Variants in TTC39C observed in about 807,000 individuals in gnomAD.
The protein encoded by TTC39C is tetratricopeptide repeat protein 39C.
TTC39C carries 33 observed loss-of-function variants against 76.3 expected under a neutral mutation model. The ratio of observed to expected loss-of-function variants is 0.43; its 90% confidence interval spans 0.33 to 0.58. The LOEUF is 0.58. Among genes scored for constraint, TTC39C ranks in the 20% least tolerant of loss-of-function variants. The probability of loss-of-function intolerance (pLI) is 0.04; values close to 1 mark genes in which losing one functional copy is unlikely to be tolerated. For synonymous variants in TTC39C, 254 were observed against 260.6 expected, an observed-to-expected ratio of 0.97 and a Z score of 0.24; for missense variants, 595 against 701.4, an observed-to-expected ratio of 0.85 and a Z score of 1.71.
intron 9 of TTC39C, chr18:24,124,425 G>C (rs1663347): frequency 2.6e-5 from 4 of 152,422 alleles, no homozygotes; most frequent in African/African-American, 9.6e-5. Flanking sequence ...GAGAAATGCA[G>C]GCTGTCTGGG....
At chr18:24,003,807 A>T (rs1346000451) in intron 1 of TTC39C, among the ~76,000 whole-genome samples, 1 of 152,346 alleles carries the variant, frequency 6.6e-6, no homozygotes, top group Non-Finnish European at 1.5e-5. Context: ...GAGTACAGTG[A>T]TACAATCATA....
At chr18:24,068,894 GC>G (rs2084203043) in intron 3 of TTC39C, among the ~76,000 whole-genome samples, 1 of 152,092 alleles carries the variant, frequency 6.6e-6, no homozygotes, top group Non-Finnish European at 1.5e-5. Flanking sequence ...GTTTTTTGTT[GC>G]TTTTCGTATT....
intron 6 of TTC39C, among the ~76,000 whole-genome samples, chr18:24,090,510 G>A (rs1400599031): frequency 1.3e-5 from 2 of 152,176 alleles, no homozygotes; most frequent in South Asian, 2.1e-4. Flanking sequence ...TTGTTAAGAT[G>A]GCAGTACTTT....
intron 5 of TTC39C, among the ~76,000 whole-genome samples, chr18:24,081,522 G>A (rs539444885): frequency 1.3e-5 from 2 of 152,246 alleles, no homozygotes; most frequent in South Asian, 2.1e-4. Flanking sequence ...TAAAAGTGAT[G>A]TGTTTTTTGT....
At chr18:24,106,555 C>T (rs1054618987) in intron 6 of TTC39C, among the ~76,000 whole-genome samples, 1 of 152,000 alleles carries the variant, frequency 6.6e-6, no homozygotes, top group Non-Finnish European at 1.5e-5. Context: ...GGAGGACTGG[C>T]GTTGTGTTGG....
intron 1 of TTC39C, among the ~76,000 whole-genome samples, chr18:24,005,800 G>A (rs1456081996): frequency 6.6e-6 from 1 of 150,582 alleles, no homozygotes; most frequent in East Asian, 2.0e-4. Context: ...AGCTATGATT[G>A]CACCACTGTA....
At chr18:24,035,919 G>T (rs1198515968) in intron 1 of TTC39C, among the ~76,000 whole-genome samples, 1 of 151,894 alleles carries the variant, frequency 6.6e-6, no homozygotes, top group East Asian at 1.9e-4. Flanking sequence ...CAACTCTAAT[G>T]CTTAGGTCTT....
intron 6 of TTC39C, among the ~76,000 whole-genome samples, chr18:24,110,728 C>T (rs560104432): frequency 1.2e-4 from 19 of 152,296 alleles, no homozygotes; most frequent in South Asian, 8.3e-4. Flanking sequence ...CCATGGCTGC[C>T]GATTATGCTG....
In TTC39C at chr18:24,014,855, C is replaced by G; in HGVS notation, c.-17C>G. On this transcript the variant is annotated 5_prime_UTR_variant, in exon 1 of 14. Transcript: ENST00000317571. ...CTCCCGATCTCGCCTCGGCCCAGCG[C>G]AGGGCCTCGCACGCCCATGGCCGGC... 1 of 1,327,434 alleles carries G rather than the reference C, an allele frequency of 7.5e-7. No homozygotes were observed. The highest frequency in any genetic ancestry group is 9.6e-7 in the Non-Finnish European group (1 of 1,040,626). The allele number at this position is 1,327,434 out of a possible 1,614,324, so 82.2% of individuals were successfully genotyped here. A position where few individuals can be genotyped will look rare whatever the true frequency, so the allele number is the denominator to read the frequency against.
At chr18:24,001,589 G>A (rs1399006275) in intron 1 of TTC39C, 2 of 152,236 alleles carry the variant, frequency 1.3e-5, no homozygotes, top group East Asian at 1.9e-4. Flanking sequence ...CTGTTCCACC[G>A]CGGTTTTCTA....
At chr18:24,019,975 C>T in intron 1 of TTC39C, 1 of 1,470,740 alleles carries the variant, frequency 6.8e-7, no homozygotes, top group Non-Finnish European at 8.9e-7. Context: ...AAAACCATGT[C>T]AGATTCTTGG....
chr18:24,112,212 C>T (rs1416487425), intron 6 of TTC39C, among the ~76,000 whole-genome samples: 2 of 152,190 alleles, frequency 1.3e-5, no homozygotes, highest in East Asian at 1.9e-4. Context: ...GTGTCCTCTT[C>T]TCTCCTATGT....
chr18:24,064,356 TC>T (rs1447549595), intron 2 of TTC39C, among the ~76,000 whole-genome samples, 168 bp downstream of exon 2: 5 of 152,204 alleles, frequency 3.3e-5, no homozygotes, highest in Admixed American at 6.5e-5. Flanking sequence ...TAATCTGCCT[TC>T]CCTAATTTTA....
At chr18:24,131,491 T>A (rs1027028383) in intron 12 of TTC39C, among the ~76,000 whole-genome samples, 5 of 151,982 alleles carry the variant, frequency 3.3e-5, no homozygotes, top group Admixed American at 6.6e-5. Flanking sequence ...GGTGGGTGGA[T>A]CGCTTGAGGT....
At chr18:24,114,741 C>G in intron 7 of TTC39C, 94 bp downstream of exon 7, 1 of 897,602 alleles carries the variant, frequency 1.1e-6, no homozygotes, top group Non-Finnish European at 1.8e-6. Context: ...CTACAAAATG[C>G]TTGGTGCCTT....
chr18:24,111,852 C>A (rs8084441), intron 6 of TTC39C, among the ~76,000 whole-genome samples: 1 of 151,188 alleles, frequency 6.6e-6, no homozygotes, highest in African/African-American at 2.4e-5. Flanking sequence ...CAGTGAGCTA[C>A]GAATGCGCCA....
At chr18:24,086,751 T>C (rs1284382742) in intron 6 of TTC39C, among the ~76,000 whole-genome samples, 1 of 152,178 alleles carries the variant, frequency 6.6e-6, no homozygotes, top group East Asian at 1.9e-4. Context: ...GCTGATCCTA[T>C]TTTCCTTGAC....
At chr18:24,008,202 G>A (rs1001295906) in intron 1 of TTC39C, among the ~76,000 whole-genome samples, 1 of 152,130 alleles carries the variant, frequency 6.6e-6, no homozygotes, top group African/African-American at 2.4e-5. Context: ...AACAGGTCAT[G>A]AACACCTACT....
chr18:24,088,105 A>C (rs951609438), intron 6 of TTC39C, among the ~76,000 whole-genome samples: 2 of 152,222 alleles, frequency 1.3e-5, no homozygotes, highest in African/African-American at 4.8e-5. Context: ...AGTTGTAAAA[A>C]TGTCTTGATA....
Sources: gnomAD v4.1 joint callset for allele counts (sites outside exome capture counted in the v4.1 genomes callset) on GRCh38, gnomAD v4.1.1 for gene constraint, MANE v1.5 for transcripts, NCBI Gene and HGNC (gene_info 2026-07-23, HGNC 2026-07-21) for gene names.